The following DCAF6 variants were observed in gnomAD, a reference collection of about 807,000 sequenced individuals.
The protein encoded by DCAF6 is DDB1 and CUL4 associated factor 6.
DCAF6 carries 54 observed loss-of-function variants against 125.1 expected under a neutral mutation model. The ratio of observed to expected loss-of-function variants is 0.43; its 90% CI spans 0.35 to 0.54. DCAF6 has a LOEUF of 0.54. Ranked by LOEUF, DCAF6 falls within the 20% of genes least tolerant of loss-of-function variation. DCAF6 has a pLI of 0.01. For synonymous variants in DCAF6, 371 were observed against 390.4 expected (o/e 0.95, Z 0.58); for missense variants, 934 against 1,161.7 (o/e 0.80, Z 2.85).
At chr1:168,068,995 C>T (rs565924609) in intron 21 of DCAF6, among the ~76,000 whole-genome samples, 1 of 152,206 alleles carries the variant, frequency 6.6e-6, no homozygotes, top group Middle Eastern at 3.4e-3. Context: ...ATATATTTAT[C>T]AAACAAAAGA....
chr1:168,075,042 G>A (rs1240397198), intron 21 of DCAF6, among the ~76,000 whole-genome samples: 1 of 152,106 alleles, frequency 6.6e-6, no homozygotes. Context: ...TCACACAGCT[G>A]CCTCCTCACT....
the DCAF6 span, among the ~76,000 whole-genome samples, chr1:167,871,746 T>C: frequency 6.6e-6 from 1 of 152,234 alleles, no homozygotes; most frequent in African/African-American, 2.4e-5. Context: ...GCTAAGTGCT[T>C]TGCTTGGTAA....
chr1:168,025,858 T>C (rs575066286), intron 12 of DCAF6, among the ~76,000 whole-genome samples: 1 of 152,304 alleles, frequency 6.6e-6, no homozygotes, highest in Non-Finnish European at 1.5e-5. Context: ...AGAACCCAAA[T>C]CCATACCTTG....
chr1:167,911,247 C>A, the DCAF6 span, among the ~76,000 whole-genome samples: 1 of 152,188 alleles, frequency 6.6e-6, no homozygotes, highest in East Asian at 1.9e-4. Context: ...CAAAGACTTT[C>A]CTCCCCGTCT....
chr1:167,994,915 A>G (rs1173361417), intron 7 of DCAF6, among the ~76,000 whole-genome samples: 1 of 152,178 alleles, frequency 6.6e-6, no homozygotes, highest in Non-Finnish European at 1.5e-5. Flanking sequence ...GAGATACAAA[A>G]CTATATTCAT....
At chr1:168,027,242 A>G (rs1557996805) in intron 12 of DCAF6, among the ~76,000 whole-genome samples, 1 of 152,128 alleles carries the variant, frequency 6.6e-6, no homozygotes, top group Non-Finnish European at 1.5e-5. Flanking sequence ...CTCTTTTCAT[A>G]AGCCCAATTA....
chr1:168,002,208 T>G (rs567442550), intron 7 of DCAF6, among the ~76,000 whole-genome samples: 1 of 152,320 alleles, frequency 6.6e-6, no homozygotes, highest in African/African-American at 2.4e-5. Context: ...CAGGTGGGAT[T>G]AGAAATCACA....
At chr1:167,867,160 TG>T in the DCAF6 span, among the ~76,000 whole-genome samples, 1 of 152,212 alleles carries the variant, frequency 6.6e-6, no homozygotes, top group Non-Finnish European at 1.5e-5. Context: ...TGTGTAGAAG[TG>T]TTGGACTCAG....
At chr1:167,940,355 T>C (rs1251332861) in intron 1 of DCAF6, among the ~76,000 whole-genome samples, 1 of 152,164 alleles carries the variant, frequency 6.6e-6, no homozygotes, top group Non-Finnish European at 1.5e-5. Flanking sequence ...TAAATTTCAA[T>C]GTAGGATTCT....
chr1:168,040,933 T>C (rs1448435734), intron 13 of DCAF6, among the ~76,000 whole-genome samples: 2 of 147,876 alleles, frequency 1.4e-5, no homozygotes, highest in African/African-American at 2.5e-5. Flanking sequence ...AAAAAAAAAG[T>C]ATACAGACTT....
chr1:167,969,858 ACT>A (rs1481838092), intron 3 of DCAF6, among the ~76,000 whole-genome samples: 1 of 152,048 alleles, frequency 6.6e-6, no homozygotes, highest in Non-Finnish European at 1.5e-5. Context: ...CCCACTGCAA[ACT>A]CTGCCTCCCA....
intron 13 of DCAF6, among the ~76,000 whole-genome samples, chr1:168,039,525 C>T (rs1688230857): frequency 6.7e-6 from 1 of 149,762 alleles, no homozygotes; most frequent in Admixed American, 6.7e-5. Context: ...AGAGAGCATA[C>T]AAAATTTTTA....
chr1:167,865,028 CAT>C, the DCAF6 span, among the ~76,000 whole-genome samples: 4 of 151,920 alleles, frequency 2.6e-5, no homozygotes, highest in Non-Finnish European at 5.9e-5. Context: ...AAAGTTGAGA[CAT>C]GTCAAAGAAT....
intron 20 of DCAF6, among the ~76,000 whole-genome samples, chr1:168,067,184 GACTA>G (rs1433342186): frequency 2.6e-5 from 4 of 152,154 alleles, no homozygotes; most frequent in Non-Finnish European, 5.9e-5. Context: ...CACTACTCTA[GACTA>G]ACACTGACTG....
chr1:167,925,263 T>C, the DCAF6 span, among the ~76,000 whole-genome samples: 2 of 151,848 alleles, frequency 1.3e-5, no homozygotes, highest in Admixed American at 6.6e-5. Flanking sequence ...ATCAAGATTA[T>C]GACTTTCTCG....
chr1:167,865,238 T>G, the DCAF6 span, among the ~76,000 whole-genome samples: 1 of 152,176 alleles, frequency 6.6e-6, no homozygotes, highest in Admixed American at 6.5e-5. Flanking sequence ...CATTAAAAGG[T>G]TAAAAAAATT....
At chr1:168,017,905 A>G (rs530203025) in intron 11 of DCAF6, among the ~76,000 whole-genome samples, 6 of 152,152 alleles carry the variant, frequency 3.9e-5, no homozygotes, top group Non-Finnish European at 8.8e-5. Flanking sequence ...TGATAGTGCC[A>G]GTAAAACATA....
intron 3 of DCAF6, 103 bp from the exon 4 acceptor site, chr1:167,974,727 T>G (rs1030802341): frequency 1.5e-4 from 126 of 840,002 alleles, no homozygotes; most frequent in Non-Finnish European, 1.9e-4. Context: ...TTCACTGAGA[T>G]GAGAATGTTA....
At chr1:168,038,706 A>G (rs1380844024) in intron 13 of DCAF6, among the ~76,000 whole-genome samples, 1 of 152,066 alleles carries the variant, frequency 6.6e-6, no homozygotes, top group East Asian at 1.9e-4. Context: ...GAGAATTTGC[A>G]TTTTTAAAAA....
Sources: gnomAD v4.1 joint callset for allele counts (sites outside exome capture counted in the v4.1 genomes callset) on GRCh38, gnomAD v4.1.1 for gene constraint, MANE v1.5 for transcripts, NCBI Gene and HGNC (gene_info 2026-07-23, HGNC 2026-07-21) for gene names.